ORC1: variants seen among roughly 807,000 people sequenced by gnomAD.
The protein encoded by ORC1 is origin recognition complex, subunit 1 homolog.
Under a neutral mutation model 98.9 loss-of-function variants are expected in ORC1, and 61 were observed. That is an observed-to-expected ratio of 0.62 (90% confidence interval 0.50 to 0.76). The LOEUF is 0.76. Ranked by LOEUF, ORC1 falls within the 30% of genes least tolerant of loss-of-function variation. ORC1 has a pLI of 0.00. For synonymous variants in ORC1, 385 were observed against 406.9 expected, an observed-to-expected ratio of 0.95 and a Z score of 0.65; for missense variants, 979 against 1,072.2, an observed-to-expected ratio of 0.91 and a Z score of 1.21.
intron 6 of ORC1, among the ~76,000 whole-genome samples, chr1:52,392,610 G>T (rs563083935): frequency 6.6e-6 from 1 of 152,082 alleles, no homozygotes; most frequent in South Asian, 2.1e-4. Flanking sequence ...ACATGCACAC[G>T]CATGTTTATA....
chr1:52,404,626 G>A (rs572996161), upstream of ORC1: 3 of 1,086,892 alleles, frequency 2.8e-6, no homozygotes, highest in African/African-American at 4.7e-5. Context: ...CCGGCTTCAA[G>A]ATGGTCGCCT....
rs570685605 is a variant in ORC1, at chr1:52,392,291, G to A, written c.1082+1152C>T. On this transcript the variant is annotated intron_variant, in intron 6 of 16. Transcript: ENST00000371568. ...ACCACAGGCGCCCACCACCAAGCCCGGCTAATTTTTTATGTTTTAGTAGAG... is the reference window on the plus strand; with the variant it reads ...ACCACAGGCGCCCACCACCAAGCCCAGCTAATTTTTTATGTTTTAGTAGAG... 8.5e-4 allele frequency among the ~76,000 whole-genome samples: 130 copies of A among 152,078 alleles called. 1 individual carries two copies. The highest frequency in any genetic ancestry group is 3.4e-3 in the Middle Eastern group (1 of 294).
chr1:52,408,673 G>A, upstream of ORC1: 3 of 1,614,164 alleles, frequency 1.9e-6, no homozygotes, highest in Non-Finnish European at 2.5e-6. Flanking sequence ...AAAATCAAGA[G>A]CCAGAACCGA....
Position 52,393,541 on chromosome 1 carries a change from T to C in ORC1, c.984A>G (p.Ile328Met). ...LRTRIAASKT[I>M]DIREERTLTP... ...TAAGTGTTCTCTCCTCTCTAATGTC[T>C]ATGGTTTTCGAAGCTGCAATTCGGG... Residue 328 changes from isoleucine to methionine, a missense_variant, in exon 6 of 17, where the codon ATA (isoleucine) becomes ATG (methionine). Coordinates refer to ENST00000371568, the MANE Select transcript of ORC1 (RefSeq NM_004153.4). 6.2e-7 allele frequency: 1 copy of C among 1,614,176 alleles called. No homozygotes were observed. The highest frequency in any genetic ancestry group is 8.5e-7 in the Non-Finnish European group (1 of 1,180,024).
intron 13 of ORC1, among the ~76,000 whole-genome samples, chr1:52,382,130 C>G (rs1007011648): frequency 6.6e-6 from 1 of 152,076 alleles, no homozygotes; most frequent in Non-Finnish European, 1.5e-5. Flanking sequence ...TGGTGCCCAC[C>G]ACCACGCCCA....
rs141804338 is a variant in ORC1, at chr1:52,384,583, C to T, written c.1722G>A (p.Thr574=). ...QYIEVNGMKL[T]EPHQVYVQIL... is the part of the protein sequence containing the mutation. ...TTTGCACATAGACTTGGTGGGGCTC[C>T]GTCAGCTTCATGCCATTGACCTCAA... Residue 574 remains threonine (T), a synonymous_variant, in exon 11 of 17, where the codon ACG becomes ACA. Coordinates refer to ENST00000371568, the MANE Select transcript of ORC1 (RefSeq NM_004153.4). The T allele has an allele frequency of 4.8e-5, 78 of 1,614,012 alleles. No homozygotes were observed. Among genetic ancestry groups the T allele is most frequent in the Non-Finnish European group, 5.6e-5 (66 of 1,180,022 alleles).
Position 52,401,399 on chromosome 1 carries a change from G to A in ORC1, c.186C>T (p.Asn62=). The A allele has an allele frequency of 6.2e-7, 1 of 1,613,606 alleles. No homozygotes were observed. Among genetic ancestry groups the A allele is most frequent in the Non-Finnish European group, 8.5e-7 (1 of 1,179,944 alleles). ...FVLIEGDDDE[N]PYVAKLLELF... ...ACTCAAGCAATTTAGCAACATACGGGTTTTCATCATCATCCCCTTCAATCA... is the reference window on the plus strand; with the variant it reads ...ACTCAAGCAATTTAGCAACATACGGATTTTCATCATCATCCCCTTCAATCA... The change falls in exon 3 of 17, where the codon AAC becomes AAT. Residue 62 remains asparagine, a synonymous_variant. Transcript: ENST00000371568.
chr1:52,383,503 CCTT>C lies in ORC1; in HGVS notation c.1927_1929del (p.Lys643del). ...ATTGCCAGGACCACAAGCCGGGCCT[CCTT>C]ATGAGTGGGCCAGTCAAAGAGATTG... On this transcript the variant is annotated inframe_deletion, in exon 13 of 17. Transcript: ENST00000371568. 6.2e-7 allele frequency: 1 copy of C among 1,613,764 alleles called. No individual in the cohort carries two copies. Among genetic ancestry groups the C allele is most frequent in the African/African-American group, 1.3e-5 (1 of 75,026 alleles).
chr1:52,404,988 T>G, upstream of ORC1: 1 of 1,346,088 alleles, frequency 7.4e-7, no homozygotes, highest in Non-Finnish European at 1.0e-6. Context: ...TGGAACGGAG[T>G]ATGTCGATCA....
upstream of ORC1, chr1:52,408,730 C>T: frequency 1.2e-6 from 2 of 1,606,864 alleles, no homozygotes; most frequent in Non-Finnish European, 1.7e-6. Flanking sequence ...CATTTTTAAG[C>T]CAGTTTTTAT....
Position 52,381,684 on chromosome 1 carries a change from T to C in ORC1, c.2091A>G (p.Leu697=). The change falls in exon 14 of 17, where the codon CTA becomes CTG. Residue 697 remains leucine (L), a synonymous_variant. Transcript: ENST00000371568. The stretch of plus-strand genomic sequence containing the variant: ...GGATGGCATCATCTTCAAAGGCCTT[T>C]AGATGCTTGAGCCGGGACCTTAGGA... ...QQILRSRLKH[L]KAFEDDAIQL... is the part of the protein sequence containing the mutation. The C allele has an allele frequency of 6.2e-7, 1 of 1,612,914 alleles. No homozygotes were observed. The highest frequency in any genetic ancestry group is 8.5e-7 in the Non-Finnish European group (1 of 1,179,492).
In ORC1 at chr1:52,373,284, G is replaced by A. The variant is rs781559609; in HGVS notation, c.2483C>T (p.Ser828Phe). The A allele has an allele frequency of 1.2e-6, 2 of 1,614,212 alleles. No individual in the cohort carries two copies. Among genetic ancestry groups the A allele is most frequent in the East Asian group, 2.2e-5 (1 of 44,884 alleles). The change falls in exon 17 of 17, where the codon TCC becomes TTC. Residue 828 changes from serine to phenylalanine, a missense_variant. Transcript: ENST00000371568. ...GGGCTCCACAAGCAGGAGGCGACAG[G>A]AGCCCAGGTGAGAACACACGGCCAT... ...ETMAVCSHLGSCRLLLVEPSR... is the reference protein window; with the variant it reads ...ETMAVCSHLGFCRLLLVEPSR...
intron 13 of ORC1, 80 bp downstream of exon 13, chr1:52,383,340 C>T: frequency 6.4e-7 from 1 of 1,568,228 alleles, no homozygotes. Flanking sequence ...TGAGCCACCA[C>T]ACCTGGACCA....
At chr1:52,385,398 AT>A in intron 9 of ORC1, 136 bp from the exon 10 acceptor site, 1 of 751,270 alleles carries the variant, frequency 1.3e-6, no homozygotes, top group East Asian at 2.5e-5. Flanking sequence ...ATGCTAGAGA[AT>A]CCCTTCATTC....
In ORC1 at chr1:52,373,187, G is replaced by A. The variant is rs61756139; in HGVS notation, c.2580C>T (p.Asp860=). 6.3e-4 allele frequency: 1,019 copies of A among 1,614,052 alleles called. 3 individuals are homozygous for A. The highest frequency in any genetic ancestry group is 1.6e-3 in the South Asian group (146 of 91,070). Residue 860 remains aspartate (D), a synonymous_variant, in exon 17 of 17, where the codon GAC becomes GAT. Transcript: ENST00000371568. ...SQDDVLYALK[D]E is the part of the protein sequence containing the mutation. ...TTTAACTTGTGAAGCCCCTTTACTCGTCTTTCAGCGCATACAGCACATCAT... is the reference window on the plus strand; with the variant it reads ...TTTAACTTGTGAAGCCCCTTTACTCATCTTTCAGCGCATACAGCACATCAT...
At chr1:52,401,100 C>G (rs1647684091) in intron 3 of ORC1, among the ~76,000 whole-genome samples, 2 of 152,032 alleles carry the variant, frequency 1.3e-5, no homozygotes, top group South Asian at 2.1e-4. Context: ...CTCCATCCCC[C>G]CCAATTCTGC....
At position 52,383,569 on chromosome 1, in the gene ORC1, G is replaced by A; in HGVS notation, c.1864C>T (p.Leu622Phe). ...TGTTTGTGAGTCCACAGAAGGTCGA[G>A]CTGCCAGGGCAAAGGAGAGAGGTGC... is the stretch of plus-strand genomic sequence containing the variant. ...QETTVLLVDE[L>F]DLLWTHKQDI... Residue 622 changes from leucine to phenylalanine, a missense_variant and splice_region_variant, in exon 13 of 17, where the codon CTC becomes TTC. Coordinates refer to ENST00000371568, the MANE Select transcript of ORC1 (RefSeq NM_004153.4). 3 of 1,614,104 alleles carry A rather than the reference G, an allele frequency of 1.9e-6. No individual in the cohort carries two copies. The highest frequency in any genetic ancestry group is 2.5e-6 in the Non-Finnish European group (3 of 1,180,032).
chr1:52,372,932 T>G lies in ORC1; in HGVS notation c.*249A>C. On this transcript the variant is annotated 3_prime_UTR_variant, in exon 17 of 17. Coordinates refer to ENST00000371568, the MANE Select transcript of ORC1 (RefSeq NM_004153.4). ...AATTCCATGTACTTCCAAAATCAGA[T>G]GCTTTGTAGACTAGCTTGGCAACAT... 2 of 491,612 alleles carry G rather than the reference T, an allele frequency of 4.1e-6. No individual in the cohort carries two copies. The highest frequency in any genetic ancestry group is 4.1e-5 in the South Asian group (2 of 49,118). 30.5% of individuals were successfully genotyped at this position (491,612 alleles called of 1,614,324 possible).
intron 14 of ORC1, among the ~76,000 whole-genome samples, chr1:52,381,037 G>A (rs1168624809): frequency 1.3e-5 from 2 of 152,172 alleles, no homozygotes; most frequent in African/African-American, 4.8e-5. Context: ...TGGATGTACG[G>A]TTTTTCTTTC....
Sources: gnomAD v4.1 joint callset for allele counts (sites outside exome capture counted in the v4.1 genomes callset) on GRCh38, gnomAD v4.1.1 for gene constraint, MANE v1.5 for transcripts, NCBI Gene and HGNC (gene_info 2026-07-23, HGNC 2026-07-21) for gene names.